The following SLC6A7 variants were observed in gnomAD, a reference collection of about 807,000 sequenced individuals.
SLC6A7 encodes solute carrier family 6 member 7.
A neutral mutation model predicts 73.1 loss-of-function variants in SLC6A7; 58 were observed. The observed-to-expected ratio is 0.79, with a 90% CI of 0.64 to 0.99. The LOEUF (loss-of-function observed/expected upper bound fraction) is 0.99, where lower values mean the gene tolerates loss of function less well. Among genes scored for constraint, SLC6A7 ranks in the 50% least tolerant of loss-of-function variants. SLC6A7 has a pLI of 0.00. For missense variants in SLC6A7, 783 were observed against 831.4 expected, an observed-to-expected ratio of 0.94 and a Z score of 0.72; for synonymous variants, 338 against 338.7, an observed-to-expected ratio of 1.00 and a Z score of 0.02.
Position 150,204,901 on chromosome 5 carries a change from CT to C in SLC6A7, c.1508del (p.Leu503ArgfsTer39). ...KPGLYFRACWLFLSPATLLAL... is the reference protein window; with the variant it reads ...KPGLYFRACWXFLSPATLLAL... Reference sequence around the variant, plus strand: ...GGGCCTCTACTTCAGGGCCTGCTGGCTGTTCCTGTCCCCAGCCACGCTCTTG... The same window carrying C: ...GGGCCTCTACTTCAGGGCCTGCTGGCGTTCCTGTCCCCAGCCACGCTCTTG... On this transcript the variant is annotated frameshift_variant, in exon 12 of 14. Transcript: ENST00000230671. LOFTEE classifies it high-confidence loss of function. 2 of 1,234,338 alleles carry C rather than the reference CT, an allele frequency of 1.6e-6. No homozygotes were observed. Among genetic ancestry groups the C allele is most frequent in the Middle Eastern group, 2.2e-4 (1 of 4,598 alleles). The allele number at this position is 1,234,338 out of a possible 1,614,324, so 76.5% of individuals were successfully genotyped here.
At chr5:150,203,800 C>T in intron 9 of SLC6A7, 21 bp downstream of exon 9, 1 of 1,527,334 alleles carries the variant, frequency 6.5e-7, no homozygotes, top group Non-Finnish European at 9.0e-7. Flanking sequence ...TCTGTGGCAG[C>T]AGGCACCCCG....
chr5:150,201,659 C>A (rs1027621887), intron 6 of SLC6A7, among the ~76,000 whole-genome samples: 2 of 152,142 alleles, frequency 1.3e-5, no homozygotes, highest in Admixed American at 6.6e-5. Flanking sequence ...GGGTTCTTAT[C>A]AAGCTTACGG....
chr5:150,209,650 G>T lies in SLC6A7; in HGVS notation c.*35G>T. On this transcript the variant is annotated 3_prime_UTR_variant, in exon 14 of 14. Transcript: ENST00000230671. ...CAGGCGGGCAGAAGGCCCTGCCCGG[G>T]ACCTCACAGTCCCTTCTTAGAAGCC... 6.7e-7 allele frequency: 1 copy of T among 1,496,628 alleles called. No homozygotes were observed. The highest frequency in any genetic ancestry group is 9.1e-7 in the Non-Finnish European group (1 of 1,094,154). The allele number at this position is 1,496,628 out of a possible 1,614,324, so 92.7% of individuals were successfully genotyped here. A position where few individuals can be genotyped will look rare whatever the true frequency, so the allele number is the denominator to read the frequency against.
intron 6 of SLC6A7, 100 bp downstream of exon 6, chr5:150,201,323 A>G: frequency 1.4e-6 from 1 of 731,358 alleles, no homozygotes; most frequent in Non-Finnish European, 2.1e-6. Flanking sequence ...CACTCTGCTC[A>G]GCCCTTCTTG....
intron 6 of SLC6A7, among the ~76,000 whole-genome samples, chr5:150,202,016 G>C (rs1753408183): frequency 6.6e-6 from 1 of 152,112 alleles, no homozygotes. Flanking sequence ...GAAGTAAAGG[G>C]GTTATGCAGG....
intron 1 of SLC6A7, among the ~76,000 whole-genome samples, chr5:150,190,592 T>C (rs898170910): frequency 9.2e-5 from 14 of 152,154 alleles, no homozygotes; most frequent in Admixed American, 6.5e-5. Flanking sequence ...CCTGGTTCAC[T>C]GGGCCAGGCC....
chr5:150,191,587 C>A (rs956948739), intron 1 of SLC6A7, among the ~76,000 whole-genome samples: 1 of 152,102 alleles, frequency 6.6e-6, no homozygotes, highest in African/African-American at 2.4e-5. Flanking sequence ...CCCGCCACCA[C>A]GCCTGGCTAA....
In SLC6A7 at chr5:150,204,890, G is replaced by C; in HGVS notation, c.1496G>C (p.Arg499Thr). ...MLGFKPGLYF[R>T]ACWLFLSPAT... Reference sequence around the variant, plus strand: ...GGCTTCAAGCCGGGCCTCTACTTCAGGGCCTGCTGGCTGTTCCTGTCCCCA... The same window carrying C: ...GGCTTCAAGCCGGGCCTCTACTTCACGGCCTGCTGGCTGTTCCTGTCCCCA... Residue 499 changes from arginine (R) to threonine (T), a missense_variant, in exon 12 of 14, where the codon AGG becomes ACG. By Grantham distance (71) the Arg-to-Thr change is moderately conservative. Transcript: ENST00000230671. 6.2e-7 allele frequency: 1 copy of C among 1,611,636 alleles called. No individual in the cohort carries two copies. Among genetic ancestry groups the C allele is most frequent in the South Asian group, 1.1e-5 (1 of 91,020 alleles).
At chr5:150,196,920 C>G in intron 3 of SLC6A7, 73 bp downstream of exon 3, 1 of 1,556,368 alleles carries the variant, frequency 6.4e-7, no homozygotes, top group Admixed American at 1.8e-5. Context: ...CCCCCAGAAC[C>G]CCTGCCAGCT....
At chr5:150,199,461 A>G in intron 5 of SLC6A7, 95 bp downstream of exon 5, 1 of 842,376 alleles carries the variant, frequency 1.2e-6, no homozygotes, top group Non-Finnish European at 1.9e-6. Flanking sequence ...GAAGATGAAG[A>G]GACTTCAGCT....
rs746003671 is a variant in SLC6A7 at position 150,203,761 on chromosome 5, T to A, written c.1182T>A (p.Thr394=). The A allele has an allele frequency of 6.2e-7, 1 of 1,605,922 alleles. No individual in the cohort carries two copies. Among genetic ancestry groups the A allele is most frequent in the Non-Finnish European group, 8.5e-7 (1 of 1,172,920 alleles). The change falls in exon 9 of 14, where the codon ACT becomes ACA. Residue 394 remains threonine, a synonymous_variant. Coordinates refer to ENST00000230671, the MANE Select transcript of SLC6A7 (RefSeq NM_014228.5). The part of the protein sequence containing the change: ...WSFLFFFMLL[T]LGLDSQFAFL... ...TTCTCTTCTTCTTCATGCTTCTGAC[T>A]CTCGGCCTAGATAGCCAGGTGAGTC...
chr5:150,192,911 C>A (rs1182261515), intron 1 of SLC6A7, among the ~76,000 whole-genome samples: 1 of 152,142 alleles, frequency 6.6e-6, no homozygotes, highest in Non-Finnish European at 1.5e-5. Flanking sequence ...GCAACCATTC[C>A]TCCCGGAGCT....
intron 5 of SLC6A7, among the ~76,000 whole-genome samples, chr5:150,200,434 A>G (rs748579383): frequency 3.1e-4 from 47 of 152,320 alleles, no homozygotes; most frequent in Non-Finnish European, 4.4e-4. Flanking sequence ...CGGTAGTTGC[A>G]GTGAGCCAAG....
chr5:150,191,575 C>A (rs1050588880), intron 1 of SLC6A7, among the ~76,000 whole-genome samples: 2 of 151,966 alleles, frequency 1.3e-5, no homozygotes, highest in Admixed American at 6.5e-5. Context: ...GGACTATAGG[C>A]GCCCGCCACC....
chr5:150,205,582 A>G lies in SLC6A7; in HGVS notation c.1660A>G (p.Met554Val). The change falls in exon 13 of 14, where the codon ATG becomes GTG. Residue 554 changes from methionine to valine, a missense_variant. Met to Val is a conservative substitution (Grantham distance 21). Coordinates refer to ENST00000230671, the MANE Select transcript of SLC6A7 (RefSeq NM_014228.5). ...GTCCTGCCTCATGATCCCAGCTGGC[A>G]TGCTGGTGGCTGTGCTTCGAGAAGA... ...LLSCLMIPAG[M>V]LVAVLREEGS... 6.2e-7 allele frequency: 1 copy of G among 1,613,396 alleles called. No homozygotes were observed. Among genetic ancestry groups the G allele is most frequent in the African/African-American group, 1.3e-5 (1 of 75,014 alleles).
rs370726192 is a variant in SLC6A7 at position 150,190,425 on chromosome 5, A to G, written c.33+65A>G. On this transcript the variant is annotated intron_variant, in intron 1 of 13. Transcript: ENST00000230671. ...GGAGGGTTGGAGAGACCCGCCCCCA[A>G]CGAGGCCCCTGGGGAAGGTCTGAGG... is the stretch of plus-strand genomic sequence containing the variant. The G allele has an allele frequency of 1.1e-5, 13 of 1,163,142 alleles. No individual in the cohort carries two copies. In the African/African-American group the frequency reaches 1.6e-4, roughly 15 times the overall value. 72.1% of individuals were successfully genotyped at this position (1,163,142 alleles called of 1,614,324 possible). A position where few individuals can be genotyped will look rare whatever the true frequency, so the allele number is the denominator to read the frequency against.
Position 150,190,224 on chromosome 5 carries a change from C to A in SLC6A7, c.-104C>A. On this transcript the variant is annotated 5_prime_UTR_variant, in exon 1 of 14. Coordinates refer to ENST00000230671, the MANE Select transcript of SLC6A7 (RefSeq NM_014228.5). ...GCGTCCGTGCCCGCCCCAGCCGGTGCGCGGGAGCCGCGGGGGCAAAGGCGC... is the reference window on the plus strand; with the variant it reads ...GCGTCCGTGCCCGCCCCAGCCGGTGAGCGGGAGCCGCGGGGGCAAAGGCGC... 1 of 989,020 alleles carries A rather than the reference C, an allele frequency of 1.0e-6. No homozygotes were observed. Among genetic ancestry groups the A allele is most frequent in the Non-Finnish European group, 1.5e-6 (1 of 689,450 alleles). 61.3% of individuals were successfully genotyped at this position (989,020 alleles called of 1,614,324 possible). A position where few individuals can be genotyped will look rare whatever the true frequency, so the allele number is the denominator to read the frequency against.
At chr5:150,192,371 C>T (rs747762799) in intron 1 of SLC6A7, among the ~76,000 whole-genome samples, 28 of 152,158 alleles carry the variant, frequency 1.8e-4, no homozygotes, top group African/African-American at 3.6e-4. Context: ...TCCCTAAAGG[C>T]GAGCATGCAG....
intron 4 of SLC6A7, among the ~76,000 whole-genome samples, chr5:150,197,954 G>A (rs575480801): frequency 2.6e-5 from 4 of 151,974 alleles, no homozygotes; most frequent in South Asian, 4.2e-4. Context: ...GGTGGGTGTC[G>A]GAAGGACGTT....
Sources: allele counts gnomAD v4.1 joint callset (sites outside exome capture counted in the v4.1 genomes callset), GRCh38; gene constraint gnomAD v4.1.1; transcripts MANE v1.5; gene names NCBI Gene and HGNC (gene_info 2026-07-23, HGNC 2026-07-21).